PRKCB: variants seen among roughly 807,000 people sequenced by gnomAD.
PRKCB encodes the protein protein kinase C beta, also known as protein kinase C beta type.
A neutral mutation model predicts 81.5 loss-of-function variants in PRKCB; 13 were observed. The observed-to-expected ratio is 0.16, with a 90% confidence interval of 0.10 to 0.25. The LOEUF is 0.25. PRKCB is among the 10% of genes least tolerant of loss of function. PRKCB has a pLI of 1.00. For missense variants in PRKCB, 509 were observed against 875.7 expected (o/e 0.58, Z 5.29); for synonymous variants, 335 against 321.4 (o/e 1.04, Z -0.45).
chr16:23,871,871 T>G (rs1406579631), intron 2 of PRKCB, among the ~76,000 whole-genome samples: 1 of 151,840 alleles, frequency 6.6e-6, no homozygotes, highest in East Asian at 1.9e-4. Context: ...TTTTTTTTTT[T>G]TTTTTTTTTA....
chr16:24,218,917 A>G lies in PRKCB; in HGVS notation c.*4101A>G. ...TACATAGCAGCGATGTGGTCAGGTA[A>G]AAATCAGGAACCCACTGAAATCTTG... On this transcript the variant is annotated 3_prime_UTR_variant, in exon 17 of 17. Coordinates refer to ENST00000643927, the MANE Select transcript of PRKCB (RefSeq NM_002738.7). The G allele has an allele frequency of 1.0e-6, 1 of 985,420 alleles. No individual in the cohort carries two copies. Among genetic ancestry groups the G allele is most frequent in the Non-Finnish European group, 1.2e-6 (1 of 829,980 alleles). The allele number at this position is 985,420 out of a possible 1,614,324, so 61.0% of individuals were successfully genotyped here.
chr16:23,962,166 C>T (rs1360744709), intron 2 of PRKCB, among the ~76,000 whole-genome samples: 2 of 152,212 alleles, frequency 1.3e-5, no homozygotes, highest in African/African-American at 4.8e-5. Context: ...GACTCCACTT[C>T]TGAGTTGTAG....
intron 2 of PRKCB, among the ~76,000 whole-genome samples, chr16:23,875,992 C>T (rs1043474682): frequency 1.2e-4 from 19 of 152,122 alleles, no homozygotes; most frequent in Non-Finnish European, 7.3e-5. Flanking sequence ...CCTAGTCATG[C>T]TATATGCCTC....
chr16:23,847,278 A>G (rs561821129), intron 2 of PRKCB, among the ~76,000 whole-genome samples: 1 of 152,032 alleles, frequency 6.6e-6, no homozygotes, highest in East Asian at 1.9e-4. Flanking sequence ...CTGCTTCTCC[A>G]TATCTTCATG....
intron 2 of PRKCB, among the ~76,000 whole-genome samples, chr16:23,923,786 C>T (rs1963859783): frequency 6.6e-6 from 1 of 151,990 alleles, no homozygotes; most frequent in African/African-American, 2.4e-5. Flanking sequence ...CTGGTCCCAA[C>T]CATAATCAAC....
chr16:23,988,229 AG>A (rs1159945383), intron 2 of PRKCB, among the ~76,000 whole-genome samples: 1 of 152,256 alleles, frequency 6.6e-6, no homozygotes, highest in Non-Finnish European at 1.5e-5. Context: ...AGGCACTTTA[AG>A]GGATCTTCAA....
chr16:24,040,261 G>A (rs913289765), intron 5 of PRKCB, among the ~76,000 whole-genome samples: 1 of 152,138 alleles, frequency 6.6e-6, no homozygotes, highest in African/African-American at 2.4e-5. Flanking sequence ...CTAACATGGC[G>A]ATCTCATTCT....
At chr16:24,116,999 C>T (rs1038532875) in intron 8 of PRKCB, among the ~76,000 whole-genome samples, 2 of 150,382 alleles carry the variant, frequency 1.3e-5, no homozygotes, top group African/African-American at 2.5e-5. Flanking sequence ...GAAATTGTGT[C>T]CCTTTCTTTC....
At chr16:23,976,559 C>T (rs565301524) in intron 2 of PRKCB, among the ~76,000 whole-genome samples, 3 of 152,264 alleles carry the variant, frequency 2.0e-5, no homozygotes, top group South Asian at 4.1e-4. Flanking sequence ...CAGTGAAGAG[C>T]GATTCCTCAC....
intron 16 of PRKCB, among the ~76,000 whole-genome samples, chr16:24,210,892 C>T (rs1336122225): frequency 6.6e-6 from 1 of 152,178 alleles, no homozygotes; most frequent in Non-Finnish European, 1.5e-5. Context: ...TGCTTCTCTT[C>T]CCCAGTAAAA....
At chr16:23,924,718 T>A (rs1282302950) in intron 2 of PRKCB, among the ~76,000 whole-genome samples, 1 of 152,116 alleles carries the variant, frequency 6.6e-6, no homozygotes, top group Non-Finnish European at 1.5e-5. Flanking sequence ...TATTGCATAG[T>A]TGAAAATTGC....
intron 8 of PRKCB, among the ~76,000 whole-genome samples, chr16:24,114,058 A>C (rs994176898): frequency 6.6e-6 from 1 of 151,450 alleles, no homozygotes; most frequent in African/African-American, 2.4e-5. Context: ...CTCTACTAAA[A>C]ATACAAAAAA....
At chr16:23,962,581 G>A (rs1056191154) in intron 2 of PRKCB, among the ~76,000 whole-genome samples, 3 of 152,160 alleles carry the variant, frequency 2.0e-5, no homozygotes, top group Admixed American at 6.5e-5. Context: ...CCTTCATCTC[G>A]TCTACCACAG....
intron 2 of PRKCB, chr16:23,893,670 C>T (rs903217310): frequency 2.6e-5 from 4 of 152,240 alleles, no homozygotes; most frequent in Non-Finnish European, 5.9e-5. Context: ...AGAGTACTCT[C>T]ACACCATAAT....
At chr16:24,121,673 C>G (rs1966799821) in intron 8 of PRKCB, among the ~76,000 whole-genome samples, 1 of 152,172 alleles carries the variant, frequency 6.6e-6, no homozygotes, top group Non-Finnish European at 1.5e-5. Context: ...CACATCCAGC[C>G]TCAATAAATG....
At chr16:23,964,676 T>C (rs1300482697) in intron 2 of PRKCB, among the ~76,000 whole-genome samples, 2 of 146,794 alleles carry the variant, frequency 1.4e-5, no homozygotes, top group African/African-American at 5.1e-5. Context: ...CTCATGAGGT[T>C]TTTTTTTTTT....
chr16:23,994,481 C>A (rs1228223084), intron 3 of PRKCB, among the ~76,000 whole-genome samples: 1 of 152,170 alleles, frequency 6.6e-6, no homozygotes, highest in South Asian at 2.1e-4. Context: ...AACAGCCAAC[C>A]AAGAGCAATA....
chr16:23,982,038 A>C (rs1019689324), intron 2 of PRKCB, among the ~76,000 whole-genome samples: 2,201 of 11,386 alleles, frequency 0.19, 52 homozygotes, highest in African/African-American at 0.23. Flanking sequence ...CTTTCCCTTC[A>C]CCTTCCCCTT....
intron 2 of PRKCB, among the ~76,000 whole-genome samples, chr16:23,941,462 A>G (rs1265704690): frequency 2.0e-5 from 3 of 152,224 alleles, no homozygotes; most frequent in African/African-American, 7.2e-5. Flanking sequence ...CAAAAAATAA[A>G]GCCATGGTCT....
Sources: gnomAD v4.1 joint callset for allele counts (sites outside exome capture counted in the v4.1 genomes callset) on GRCh38, gnomAD v4.1.1 for gene constraint, MANE v1.5 for transcripts, NCBI Gene and HGNC (gene_info 2026-07-23, HGNC 2026-07-21) for gene names.